Variants in PCDH15 observed in about 807,000 individuals in gnomAD.
PCDH15 encodes protocadherin-15.
Under a neutral mutation model 178.5 loss-of-function variants are expected in PCDH15, and 129 were observed. The ratio of observed to expected loss-of-function variants is 0.72; its 90% confidence interval spans 0.63 to 0.84. The LOEUF (loss-of-function observed/expected upper bound fraction) is 0.84, where lower values mean the gene tolerates loss of function less well. PCDH15 is among the 40% of genes least tolerant of loss of function. PCDH15 has a pLI of 0.00. For synonymous variants in PCDH15, 800 were observed against 732.0 expected (o/e 1.09, Z -1.50); for missense variants, 2,230 against 2,099.9 (o/e 1.06, Z -1.21).
chr10:55,566,417 T>C (rs1033210329), intron 2 of PCDH15, among the ~76,000 whole-genome samples: 3 of 151,606 alleles, frequency 2.0e-5, no homozygotes, highest in African/African-American at 7.2e-5. Flanking sequence ...GGCAAGGAAG[T>C]CTGAGCTTAC....
intron 18 of PCDH15, among the ~76,000 whole-genome samples, chr10:54,046,719 T>C (rs1442068609): frequency 6.6e-6 from 1 of 152,200 alleles, no homozygotes; most frequent in Non-Finnish European, 1.5e-5. Flanking sequence ...ATGCATTCTA[T>C]ACCTGATTTG....
intron 2 of PCDH15, among the ~76,000 whole-genome samples, chr10:54,624,013 A>T (rs1488772091): frequency 6.6e-6 from 1 of 152,212 alleles, no homozygotes; most frequent in Non-Finnish European, 1.5e-5. Context: ...AACAGAGAGT[A>T]CATGTTTGAT....
At chr10:54,573,025 AAT>A (rs2090023286) in intron 2 of PCDH15, among the ~76,000 whole-genome samples, 1 of 152,054 alleles carries the variant, frequency 6.6e-6, no homozygotes, top group South Asian at 2.1e-4. Context: ...TCTAGTTGAC[AAT>A]GTTTTTATAT....
chr10:53,995,621 A>G, intron 21 of PCDH15, 28 bp downstream of exon 21: 7 of 1,613,772 alleles, frequency 4.3e-6, no homozygotes, highest in Non-Finnish European at 5.9e-6. Context: ...AGTACAGTTC[A>G]GAATATTAAT....
intron 2 of PCDH15, among the ~76,000 whole-genome samples, chr10:55,439,470 T>G (rs535628507): frequency 6.6e-6 from 1 of 151,884 alleles, no homozygotes; most frequent in African/African-American, 2.4e-5. Context: ...CCAGAAAATA[T>G]GAGTAGAAAA....
At chr10:54,207,115 G>A (rs2050877088) in intron 10 of PCDH15, among the ~76,000 whole-genome samples, 1 of 152,096 alleles carries the variant, frequency 6.6e-6, no homozygotes, top group Admixed American at 6.6e-5. Flanking sequence ...ACCTCTGTGT[G>A]TCTTTTGTCA....
At chr10:55,485,771 C>T (rs1453341672) in intron 2 of PCDH15, among the ~76,000 whole-genome samples, 1 of 151,622 alleles carries the variant, frequency 6.6e-6, no homozygotes, top group Non-Finnish European at 1.5e-5. Context: ...CCATACAATC[C>T]AGTAATTCCA....
At chr10:54,523,454 A>G (rs2083080335) in intron 3 of PCDH15, among the ~76,000 whole-genome samples, 1 of 152,168 alleles carries the variant, frequency 6.6e-6, no homozygotes, top group Admixed American at 6.6e-5. Context: ...TACCTGATAT[A>G]AATATAAAAT....
At chr10:54,137,031 C>T (rs1339214888) in intron 14 of PCDH15, among the ~76,000 whole-genome samples, 2 of 152,058 alleles carry the variant, frequency 1.3e-5, no homozygotes, top group Non-Finnish European at 2.9e-5. Flanking sequence ...CCTTTTTATC[C>T]CTGATGTCAG....
intron 14 of PCDH15, among the ~76,000 whole-genome samples, chr10:54,151,547 A>G (rs2044535384): frequency 1.3e-5 from 2 of 152,098 alleles, no homozygotes; most frequent in Admixed American, 1.3e-4. Context: ...CTAGGGGGAA[A>G]AAATGTAAAA....
intron 9 of PCDH15, among the ~76,000 whole-genome samples, chr10:54,223,562 T>TTTTTTTTTTTTTTTTGAGACG (rs1554845758): frequency 1.4e-5 from 2 of 146,190 alleles, no homozygotes; most frequent in Non-Finnish European, 3.0e-5. Context: ...ATATTATTTT[T>TTTTTTTTTTTTTTTTGAGACG]GAAGTGTTTA....
chr10:55,511,055 T>G (rs4935596), intron 2 of PCDH15, among the ~76,000 whole-genome samples: 50,133 of 150,218 alleles, frequency 0.33, 8,585 homozygotes, highest in African/African-American at 0.4. Context: ...TTGTTTGTTT[T>G]TTTTTTTAGA....
In PCDH15 at chr10:53,903,326, G is replaced by A. The variant is rs1457611815; in HGVS notation, c.3418C>T (p.His1140Tyr). The change falls in exon 26 of 38, where the codon CAT (histidine) becomes TAT (tyrosine). Residue 1140 changes from histidine (H) to tyrosine (Y), a missense_variant. His to Tyr is a moderately conservative substitution (Grantham distance 83). Transcript: ENST00000644397. ...AATTTTTTCTGAAACACTGGGGGAT[G>A]ATTATTTTCATCCTGAATCTCAATG... ...VYIEIQDENNHPPVFQKKFYI... is the reference protein window; with the variant it reads ...VYIEIQDENNYPPVFQKKFYI... The A allele has an allele frequency of 6.2e-6, 10 of 1,612,898 alleles. No homozygotes were observed. The highest frequency in any genetic ancestry group is 8.5e-6 in the Non-Finnish European group (10 of 1,179,412).
intron 2 of PCDH15, among the ~76,000 whole-genome samples, chr10:54,542,200 C>T (rs1024111587): frequency 2.0e-5 from 3 of 152,140 alleles, no homozygotes; most frequent in Non-Finnish European, 2.9e-5. Context: ...ATTTCTGGAA[C>T]TTCAGAAGAC....
rs148911683 is a variant in PCDH15, at chr10:53,827,502, G to T, written c.4258C>A (p.Pro1420Thr). ...TKTARIQAAL[P>T]AAKPAVPAPA... The stretch of plus-strand genomic sequence containing the variant: ...GCCGGCACTGCTGGTTTAGCCGCGG[G>T]TAATGCGGCCTGAATTCGTGCAGTC... Residue 1420 changes from proline to threonine, a missense_variant, in exon 32 of 38, where the codon CCC (proline) becomes ACC (threonine). Coordinates refer to ENST00000644397, the MANE Select transcript of PCDH15 (RefSeq NM_001384140.1). 3 of 1,614,000 alleles carry T rather than the reference G, an allele frequency of 1.9e-6. No homozygotes were observed. Among genetic ancestry groups the T allele is most frequent in the Non-Finnish European group, 2.5e-6 (3 of 1,179,962 alleles).
intron 1 of PCDH15, among the ~76,000 whole-genome samples, chr10:55,306,772 T>C (rs192561127): frequency 1.8e-3 from 273 of 152,342 alleles, no homozygotes; most frequent in African/African-American, 6.2e-3. Context: ...AATAGAATGT[T>C]CAGACAGATT....
rs895426207 is a variant in PCDH15 at position 54,912,505 on chromosome 10, G to A, written c.-79-15005C>T. ...TCCACTTTTGCCTTCCACCATGATT[G>A]TAAGTTTCTTAAGACCTCACCATCT... is the stretch of plus-strand genomic sequence containing the variant. On this transcript the variant is annotated intron_variant, in intron 2 of 5. Coordinates refer to the PCDH15 transcript ENST00000458638. Among the ~76,000 whole-genome samples, 9 of 152,092 alleles carry A rather than the reference G, an allele frequency of 5.9e-5. No individual in the cohort carries two copies. In the South Asian group the frequency reaches 6.2e-4, roughly 11 times the overall value.
At chr10:54,963,099 G>A (rs1053254096) in intron 2 of PCDH15, among the ~76,000 whole-genome samples, 1 of 152,092 alleles carries the variant, frequency 6.6e-6, no homozygotes, top group Non-Finnish European at 1.5e-5. Flanking sequence ...GTTTTTTGTT[G>A]TTGTTTCTAC....
At chr10:54,324,004 CCAAA>C (rs1287996836) in intron 7 of PCDH15, among the ~76,000 whole-genome samples, 23 of 152,106 alleles carry the variant, frequency 1.5e-4, no homozygotes, top group African/African-American at 5.1e-4. Context: ...TCTTTAGTAG[CCAAA>C]CACTCAGTAA....
Sources: gnomAD v4.1 joint callset for allele counts (sites outside exome capture counted in the v4.1 genomes callset) on GRCh38, gnomAD v4.1.1 for gene constraint, MANE v1.5 for transcripts, NCBI Gene and HGNC (gene_info 2026-07-23, HGNC 2026-07-21) for gene names.